CCDC171: variants seen among roughly 807,000 people sequenced by gnomAD.
The protein encoded by CCDC171 is coiled-coil domain containing 171.
CCDC171 carries 177 observed loss-of-function variants against 168.2 expected under a neutral mutation model. The observed-to-expected ratio is 1.05, with a 90% confidence interval of 0.93 to 1.19. CCDC171 has a LOEUF of 1.19. CCDC171 is among the 50% of genes most tolerant of loss of function. CCDC171 has a pLI of 0.00. For synonymous variants in CCDC171, 687 were observed against 540.8 expected (o/e 1.27, Z -3.75); for missense variants, 1,991 against 1,539.0 (o/e 1.29, Z -4.91).
At chr9:15,714,393 C>T (rs1244414814) in intron 11 of CCDC171, among the ~76,000 whole-genome samples, 5 of 152,128 alleles carry the variant, frequency 3.3e-5, no homozygotes, top group Admixed American at 2.0e-4. Context: ...GTTCCAAACT[C>T]GGAGAATAAC....
intron 13 of CCDC171, among the ~76,000 whole-genome samples, 162 bp from the exon 14 acceptor site, chr9:15,724,614 A>T (rs907305364): frequency 6.6e-6 from 1 of 152,198 alleles, no homozygotes; most frequent in African/African-American, 2.4e-5. Flanking sequence ...TATTTAGAAA[A>T]TACATTCAGT....
chr9:16,041,720 T>C (rs906147045), upstream of CCDC171, among the ~76,000 whole-genome samples: 5 of 152,214 alleles, frequency 3.3e-5, no homozygotes, highest in Admixed American at 1.3e-4. Context: ...GGTGATTTCG[T>C]AAATGAGAAA....
chr9:15,637,607 T>C (rs932225434), intron 7 of CCDC171, among the ~76,000 whole-genome samples: 4 of 143,568 alleles, frequency 2.8e-5, no homozygotes, highest in Admixed American at 2.8e-4. Flanking sequence ...CTCCTCATGC[T>C]ATCCCTCCCC....
chr9:15,859,152 T>G (rs1217362695), intron 23 of CCDC171, among the ~76,000 whole-genome samples: 1 of 152,134 alleles, frequency 6.6e-6, no homozygotes. Context: ...ATTGATTGTG[T>G]GAATTTTGTC....
intron 18 of CCDC171, among the ~76,000 whole-genome samples, chr9:15,760,021 G>A (rs1249446867): frequency 6.6e-6 from 1 of 152,200 alleles, no homozygotes; most frequent in Non-Finnish European, 1.5e-5. Flanking sequence ...AGAAATGACA[G>A]AATCTTGGGG....
chr9:15,557,782 G>C (rs1466701606), intron 1 of CCDC171, among the ~76,000 whole-genome samples: 1 of 152,138 alleles, frequency 6.6e-6, no homozygotes, highest in Admixed American at 6.6e-5. Context: ...ATGTTGAATA[G>C]GAGTGGTGAG....
intron 7 of CCDC171, among the ~76,000 whole-genome samples, chr9:15,645,306 C>G (rs1206057791): frequency 2.0e-5 from 3 of 151,434 alleles, no homozygotes; most frequent in Admixed American, 2.0e-4. Flanking sequence ...AGCAGAAAAG[C>G]TGAAAATTCT....
chr9:15,652,596 A>G (rs2047612319), intron 7 of CCDC171, among the ~76,000 whole-genome samples: 1 of 151,960 alleles, frequency 6.6e-6, no homozygotes, highest in East Asian at 1.9e-4. Flanking sequence ...ACACTTGGCT[A>G]ATTTTTGTTT....
intron 9 of CCDC171, among the ~76,000 whole-genome samples, chr9:15,673,264 G>T (rs1364995634): frequency 6.6e-6 from 1 of 152,102 alleles, no homozygotes; most frequent in Non-Finnish European, 1.5e-5. Flanking sequence ...GAGATGATGG[G>T]GTTTTCTAAA....
chr9:15,655,703 C>G (rs890527576), intron 7 of CCDC171, among the ~76,000 whole-genome samples: 1 of 152,070 alleles, frequency 6.6e-6, no homozygotes, highest in Admixed American at 6.5e-5. Context: ...ACTTTTAAAG[C>G]TCAGTAATAC....
intron 3 of CCDC171, among the ~76,000 whole-genome samples, chr9:16,006,290 A>T (rs1034267050): frequency 6.6e-6 from 1 of 152,116 alleles, no homozygotes; most frequent in African/African-American, 2.4e-5. Context: ...TATTGTACTC[A>T]TCCTAGTGGG....
chr9:15,623,531 A>G (rs1207225267), intron 7 of CCDC171, 118 bp downstream of exon 7: 11 of 534,350 alleles, frequency 2.1e-5, no homozygotes, highest in Non-Finnish European at 3.3e-5. Context: ...GTGATTTAAG[A>G]TTGGAGAGTT....
rs1588961741 is a variant in CCDC171, at chr9:15,877,662, A to G, written c.3600+2999A>G. On this transcript the variant is annotated intron_variant, in intron 24 of 25. Coordinates refer to ENST00000380701, the MANE Select transcript of CCDC171 (RefSeq NM_173550.4). ...AAATAACAGCAAATAGGCTTTCATT[A>G]TAATAGTGAGAAGAATAAAAACACC... is the stretch of plus-strand genomic sequence containing the variant. Among the ~76,000 whole-genome samples the G allele has an allele frequency of 3.3e-5, 5 of 152,258 alleles. 1 individual carries two copies. In the East Asian group the frequency reaches 9.7e-4, roughly 29 times the overall value.
intron 21 of CCDC171, among the ~76,000 whole-genome samples, chr9:15,823,263 A>G (rs1204861391): frequency 3.3e-5 from 5 of 152,166 alleles, no homozygotes; most frequent in African/African-American, 4.8e-5. Context: ...AACATGGCAC[A>G]TGTATACGTA....
intron 4 of CCDC171, among the ~76,000 whole-genome samples, chr9:15,579,762 C>T (rs2040968443): frequency 6.6e-6 from 1 of 151,914 alleles, no homozygotes; most frequent in South Asian, 2.1e-4. Context: ...GGCTTTTTTC[C>T]TCCAACATTA....
At chr9:15,955,136 T>C (rs1433761090) in intron 25 of CCDC171, among the ~76,000 whole-genome samples, 3 of 152,180 alleles carry the variant, frequency 2.0e-5, no homozygotes, top group Non-Finnish European at 4.4e-5. Context: ...GTGTCAAGGA[T>C]CAGCCTGAGA....
upstream of CCDC171, among the ~76,000 whole-genome samples, chr9:16,038,325 GTTAAAT>G (rs1280072766): frequency 6.6e-6 from 1 of 152,074 alleles, no homozygotes; most frequent in Non-Finnish European, 1.5e-5. Flanking sequence ...AAGAGGGGAA[GTTAAAT>G]TTAAACAAGC....
rs150796248 is a variant in CCDC171 at position 16,000,314 on chromosome 9, G to A, written n.369-20275G>A. ...CTATAGAATAAGTTTCAAAAACAAGGGATTGACTTTTTTTGCTTGCTGTTT... is the reference window on the plus strand; with the variant it reads ...CTATAGAATAAGTTTCAAAAACAAGAGATTGACTTTTTTTGCTTGCTGTTT... On this transcript the variant is annotated intron_variant and non_coding_transcript_variant, in intron 3 of 9. Coordinates refer to the CCDC171 transcript ENST00000486641. 1.3e-3 allele frequency among the ~76,000 whole-genome samples: 205 copies of A among 152,140 alleles called. 1 individual carries two copies. Among genetic ancestry groups the A allele is most frequent in the African/African-American group, 4.7e-3 (194 of 41,494 alleles).
chr9:15,593,212 G>A (rs975137514), intron 5 of CCDC171, among the ~76,000 whole-genome samples: 5 of 152,040 alleles, frequency 3.3e-5, no homozygotes, highest in Non-Finnish European at 4.4e-5. Context: ...ACAGATCCAT[G>A]CTACCATTGT....
Sources: allele counts gnomAD v4.1 joint callset (sites outside exome capture counted in the v4.1 genomes callset), GRCh38; gene constraint gnomAD v4.1.1; transcripts MANE v1.5; gene names NCBI Gene and HGNC (gene_info 2026-07-23, HGNC 2026-07-21).